The following HMCN2 variants were observed in gnomAD, a reference collection of about 807,000 sequenced individuals.
HMCN2 encodes the protein hemicentin-2.
HMCN2 carries 325 observed loss-of-function variants against 377.5 expected under a neutral mutation model. That is an observed-to-expected ratio of 0.86 (90% confidence interval 0.79 to 0.94). The LOEUF (loss-of-function observed/expected upper bound fraction) is 0.94, where lower values mean the gene tolerates loss of function less well. Among genes scored for constraint, HMCN2 ranks in the 40% least tolerant of loss-of-function variants. The pLI, the probability that HMCN2 is intolerant of heterozygous loss-of-function variation, is 0.00. For missense variants in HMCN2, 4,543 were observed against 4,725.3 expected (o/e 0.96, Z 1.13); for synonymous variants, 2,007 against 2,046.8 (o/e 0.98, Z 0.53).
chr9:130,269,140 T>G, intron 1 of HMCN2, among the ~76,000 whole-genome samples: 1 of 148,320 alleles, frequency 6.7e-6, no homozygotes, highest in African/African-American at 2.4e-5. Flanking sequence ...GGTTCTAGAC[T>G]GTTCCTGCTT....
rs923391896 is a variant in HMCN2 at position 130,384,360 on chromosome 9, G to T, written c.8831-13G>T. 7.8e-7 allele frequency: 1 copy of T among 1,288,304 alleles called. No homozygotes were observed. The highest frequency in any genetic ancestry group is 1.0e-6 in the Non-Finnish European group (1 of 979,030). 79.8% of individuals were successfully genotyped at this position (1,288,304 alleles called of 1,614,324 possible). Reference sequence around the variant, plus strand: ...TCTCATGCCTTTCTCTACCGTGGTGGCTGTGGGGATAGTCCCGCCACGAAT... The same window carrying T: ...TCTCATGCCTTTCTCTACCGTGGTGTCTGTGGGGATAGTCCCGCCACGAAT... On this transcript the variant is annotated splice_polypyrimidine_tract_variant and intron_variant, in intron 57 of 97. Coordinates refer to ENST00000683500, the MANE Select transcript of HMCN2 (RefSeq NM_001291815.2).
intron 15 of HMCN2, among the ~76,000 whole-genome samples, chr9:130,312,771 T>C (rs1215345539): frequency 1.3e-5 from 2 of 151,200 alleles, no homozygotes; most frequent in Admixed American, 1.3e-4. Flanking sequence ...GTTCAAGTGA[T>C]TCTCCCACCT....
chr9:130,431,609 G>A (rs1336756114), intron 96 of HMCN2, 123 bp downstream of exon 96: 7 of 1,385,598 alleles, frequency 5.1e-6, no homozygotes, highest in Non-Finnish European at 6.7e-6. Flanking sequence ...CCTGTGAGGT[G>A]GGGCGGGGAG....
chr9:130,424,777 G>A lies in HMCN2; in HGVS notation c.13383G>A (p.Gly4461=). Reference sequence around the variant, plus strand: ...GCCTCTATGCCCTGCCCCACCCAGGGCCTCTGATGCGGGTGCTCGTGGTCA... The same window carrying A: ...GCCTCTATGCCCTGCCCCACCCAGGACCTCTGATGCGGGTGCTCGTGGTCA... ...SSIRHVPANV[G]PLMRVLVVTI... The change falls in exon 88 of 98, where the codon GGG becomes GGA. Residue 4461 remains glycine (G), a splice_region_variant and synonymous_variant. Transcript: ENST00000683500. The A allele has an allele frequency of 1.3e-6, 2 of 1,535,960 alleles. No homozygotes were observed. Among genetic ancestry groups the A allele is most frequent in the Non-Finnish European group, 1.8e-6 (2 of 1,139,354 alleles).
At chr9:130,271,876 G>A (rs1255163741) in intron 1 of HMCN2, among the ~76,000 whole-genome samples, 7 of 149,206 alleles carry the variant, frequency 4.7e-5, no homozygotes, top group South Asian at 2.1e-4. Flanking sequence ...GTAATCATCC[G>A]TGTCTATATT....
chr9:130,293,185 CA>C (rs577007297), intron 4 of HMCN2, among the ~76,000 whole-genome samples: 6 of 150,284 alleles, frequency 4.0e-5, no homozygotes, highest in Non-Finnish European at 7.4e-5. Flanking sequence ...AAAATATTGA[CA>C]TCTTTACTTA....
chr9:130,433,500 C>A lies in HMCN2; in HGVS notation c.15047C>A (p.Thr5016Asn), dbSNP rs1451282744. The part of the protein sequence containing the change: ...FSEVGVPANR[T>N]ELSMLEPDPR... Reference sequence around the variant, plus strand: ...GAGGTCGGCGTCCCCGCCAACCGCACCGAGCTCAGCATGCTGGAGCCCGAC... The same window carrying A: ...GAGGTCGGCGTCCCCGCCAACCGCAACGAGCTCAGCATGCTGGAGCCCGAC... The change falls in exon 98 of 98, where the codon ACC (threonine) becomes AAC (asparagine). Residue 5016 changes from threonine (T) to asparagine (N), a missense_variant. Around this residue, in one of 5 missense-constraint regions of HMCN2, gnomAD observed 1,155 missense variants for 1,157.7 expected, o/e 1.00. Coordinates refer to ENST00000683500, the MANE Select transcript of HMCN2 (RefSeq NM_001291815.2). 6.7e-7 allele frequency: 1 copy of A among 1,498,536 alleles called. No homozygotes were observed. Among genetic ancestry groups the A allele is most frequent in the Non-Finnish European group, 8.8e-7 (1 of 1,131,332 alleles). The allele number at this position is 1,498,536 out of a possible 1,614,324, so 92.8% of individuals were successfully genotyped here.
At chr9:130,411,926 G>C (rs1012566940) in intron 85 of HMCN2, among the ~76,000 whole-genome samples, 5 of 148,450 alleles carry the variant, frequency 3.4e-5, no homozygotes, top group African/African-American at 9.8e-5. Context: ...ACTTACAAAT[G>C]GTTCAATGAT....
chr9:130,363,203 G>A (rs967200627), intron 40 of HMCN2, among the ~76,000 whole-genome samples: 29 of 152,194 alleles, frequency 1.9e-4, no homozygotes, highest in Admixed American at 6.5e-5. Context: ...AGGTGGCCCC[G>A]CATAGCCAGG....
chr9:130,378,183 G>A (rs888950792), intron 53 of HMCN2, among the ~76,000 whole-genome samples: 1 of 151,736 alleles, frequency 6.6e-6, no homozygotes, highest in Non-Finnish European at 1.5e-5. Flanking sequence ...CTGCCTGTGG[G>A]TACCTGGGGC....
intron 80 of HMCN2, among the ~76,000 whole-genome samples, chr9:130,404,319 G>A (rs970100813): frequency 2.6e-5 from 4 of 152,178 alleles, no homozygotes; most frequent in Admixed American, 6.5e-5. Context: ...ATCCCCGCCC[G>A]CAGCTATGTA....
intron 85 of HMCN2, among the ~76,000 whole-genome samples, chr9:130,410,941 G>T (rs756178411): frequency 1.3e-5 from 2 of 152,284 alleles, no homozygotes; most frequent in Non-Finnish European, 2.9e-5. Context: ...CAAGCAGCTC[G>T]TAGTTTACCA....
intron 47 of HMCN2, 102 bp from the exon 48 acceptor site, chr9:130,372,936 A>T (rs1841109384): frequency 5.1e-6 from 1 of 197,076 alleles, no homozygotes; most frequent in African/African-American, 2.4e-5. Context: ...AGGCACAAGA[A>T]ACGGTGGGCT....
At chr9:130,355,555 T>C (rs1224825835) in intron 32 of HMCN2, among the ~76,000 whole-genome samples, 191 bp from the exon 33 acceptor site, 2 of 152,166 alleles carry the variant, frequency 1.3e-5, no homozygotes, top group Non-Finnish European at 2.9e-5. Context: ...GCCCAAGCCT[T>C]TGGGGAGCCC....
chr9:130,429,493 C>A (rs917323301), intron 93 of HMCN2, 64 bp from the exon 94 acceptor site: 1 of 1,540,960 alleles, frequency 6.5e-7, no homozygotes, highest in South Asian at 1.2e-5. Flanking sequence ...GGGGATGGTC[C>A]GTCCCTTGGG....
chr9:130,403,185 C>T lies in HMCN2; in HGVS notation c.11879-9C>T. The T allele has an allele frequency of 1.6e-6, 2 of 1,288,038 alleles. No homozygotes were observed. Among genetic ancestry groups the T allele is most frequent in the Non-Finnish European group, 2.0e-6 (2 of 987,688 alleles). The allele number at this position is 1,288,038 out of a possible 1,614,324, so 79.8% of individuals were successfully genotyped here. A position where few individuals can be genotyped will look rare whatever the true frequency, so the allele number is the denominator to read the frequency against. ...TTCTCAGGGCCCTCTGCACCCCCGTCCTTTGTAGCCTCCCCGGTGGTGAAG... is the reference window on the plus strand; with the variant it reads ...TTCTCAGGGCCCTCTGCACCCCCGTTCTTTGTAGCCTCCCCGGTGGTGAAG... On this transcript the variant is annotated splice_polypyrimidine_tract_variant and intron_variant, in intron 78 of 97. Transcript: ENST00000683500.
In HMCN2 at chr9:130,308,478, C is replaced by T. The variant is rs750220534; in HGVS notation, c.2200+912C>T. Among the ~76,000 whole-genome samples, 19 of 152,100 alleles carry T rather than the reference C, an allele frequency of 1.2e-4. No homozygotes were observed. The highest frequency in any genetic ancestry group is 2.4e-4 in the Non-Finnish European group (16 of 68,020). On this transcript the variant is annotated intron_variant, in intron 14 of 97. Transcript: ENST00000683500. The surrounding 1 kb of genome is among the most constrained non-coding windows in gnomAD (Gnocchi z 4.1). ...GCACTAGGTCTTTCTGGGAGCAGTA[C>T]GCTGGGCTCCCTCTCGAGGGTCAAC...
chr9:130,386,745 A>G (rs1021591171), intron 61 of HMCN2, among the ~76,000 whole-genome samples: 7 of 152,210 alleles, frequency 4.6e-5, no homozygotes, highest in Non-Finnish European at 7.3e-5. Context: ...CCTGGGCTCA[A>G]GCAAACCTCC....
Position 130,406,118 on chromosome 9 carries a change from G to T in HMCN2, c.12503G>T (p.Gly4168Val). 1 of 1,289,848 alleles carries T rather than the reference G, an allele frequency of 7.8e-7. No homozygotes were observed. Among genetic ancestry groups the T allele is most frequent in the Non-Finnish European group, 1.0e-6 (1 of 988,872 alleles). The allele number at this position is 1,289,848 out of a possible 1,614,324, so 79.9% of individuals were successfully genotyped here. A position where few individuals can be genotyped will look rare whatever the true frequency, so the allele number is the denominator to read the frequency against. Residue 4168 changes from glycine (G) to valine (V), a missense_variant, in exon 82 of 98, where the codon GGC (glycine) becomes GTC (valine). Around this residue, in one of 5 missense-constraint regions of HMCN2, gnomAD observed 1,073 missense variants for 1,319.5 expected, o/e 0.81. Coordinates refer to ENST00000683500, the MANE Select transcript of HMCN2 (RefSeq NM_001291815.2). The stretch of plus-strand genomic sequence containing the variant: ...CTGTGGCTTCGCTGTGCAGCCCGGG[G>T]CAGCCCCACCCCTCGCATTGGCTGG... ...DRLWLRCAAR[G>V]SPTPRIGWTV...
Sources: gnomAD v4.1 joint callset for allele counts (sites outside exome capture counted in the v4.1 genomes callset) on GRCh38, gnomAD v4.1.1 for gene constraint, gnomAD v4.1.1 regional missense constraint, Gnocchi (gnomAD v3.1) non-coding constraint, MANE v1.5 for transcripts, NCBI Gene and HGNC (gene_info 2026-07-23, HGNC 2026-07-21) for gene names.